ZP1: variants seen among roughly 807,000 people sequenced by gnomAD.
ZP1 encodes the protein zona pellucida sperm-binding protein 1.
In ZP1, 58 loss-of-function variants were observed where a neutral mutation model predicts 67.4. The ratio of observed to expected loss-of-function variants is 0.86; its 90% CI spans 0.70 to 1.07. ZP1 has a LOEUF of 1.07. Among genes scored for constraint, ZP1 ranks in the 50% least tolerant of loss-of-function variants. The pLI, the probability that ZP1 is intolerant of heterozygous loss-of-function variation, is 0.00. For synonymous variants in ZP1, 333 were observed against 332.7 expected, an observed-to-expected ratio of 1.00 and a Z score of -0.01; for missense variants, 759 against 807.3, an observed-to-expected ratio of 0.94 and a Z score of 0.72.
chr11:60,873,716 T>C lies in ZP1; in HGVS notation c.1513T>C (p.Phe505Leu), dbSNP rs559073226. 6.2e-7 allele frequency: 1 copy of C among 1,614,118 alleles called. No individual in the cohort carries two copies. The highest frequency in any genetic ancestry group is 2.2e-5 in the East Asian group (1 of 44,888). Residue 505 changes from phenylalanine to leucine, a missense_variant, in exon 9 of 12, where the codon TTC (phenylalanine) becomes CTC (leucine). Transcript: ENST00000278853. ...ATPFQSHYQR[F>L]TVATFALLDS... ...ACCTTTCCAGTCGCACTACCAGCGATTCACTGTTGCTACCTTCGCCCTCCT... is the reference window on the plus strand; with the variant it reads ...ACCTTTCCAGTCGCACTACCAGCGACTCACTGTTGCTACCTTCGCCCTCCT...
Position 60,867,546 on chromosome 11 carries a change from G to A in ZP1, c.-16G>A, listed in dbSNP as rs750107295. ...CTCTGGTGGCGAGGGAGTAGGGGGT[G>A]TGTCTGTGGCGTCTCATGGCAGGAG... On this transcript the variant is annotated 5_prime_UTR_variant, in exon 1 of 12. In the 5' UTR this introduces an upstream ATG that the reference lacks. Coordinates refer to ENST00000278853, the MANE Select transcript of ZP1 (RefSeq NM_207341.4). 2.5e-6 allele frequency: 4 copies of A among 1,600,124 alleles called. No homozygotes were observed. The highest frequency in any genetic ancestry group is 3.4e-6 in the Non-Finnish European group (4 of 1,171,780).
intron 2 of ZP1, 84 bp from the exon 3 acceptor site, chr11:60,869,453 A>G: frequency 6.6e-7 from 1 of 1,522,722 alleles, no homozygotes; most frequent in East Asian, 2.3e-5. Context: ...CCTAATGGCC[A>G]GCTCAGCTCT....
In ZP1 at chr11:60,870,995, G is replaced by A. The variant is rs756145357; in HGVS notation, c.865G>A (p.Val289Met). The change falls in exon 5 of 12, where the codon GTG becomes ATG. Residue 289 changes from valine (V) to methionine (M), a missense_variant. By Grantham distance (21) the Val-to-Met change is conservative (BLOSUM62 1). Transcript: ENST00000278853. ...QCFRDGYFVL[V>M]VSQEMALTHR... Reference sequence around the variant, plus strand: ...CTTCAGAGATGGCTACTTCGTCCTCGTGGTGTCCCAAGAAATGGCCTTGAC... The same window carrying A: ...CTTCAGAGATGGCTACTTCGTCCTCATGGTGTCCCAAGAAATGGCCTTGAC... 79 of 1,614,170 alleles carry A rather than the reference G, an allele frequency of 4.9e-5. No individual in the cohort carries two copies. In the Middle Eastern group the frequency reaches 1.3e-3, roughly 27 times the overall value.
At position 60,875,246 on chromosome 11, in the gene ZP1, C is replaced by T; in HGVS notation, c.1772C>T (p.Thr591Ile). The T allele has an allele frequency of 6.2e-7, 1 of 1,611,268 alleles. No individual in the cohort carries two copies. The highest frequency in any genetic ancestry group is 8.5e-7 in the Non-Finnish European group (1 of 1,179,752). ...GGGCAGGAGCCCACACTTGGGCCCA[C>T]AGGTAGGAGGGCTTCTGGGTGGGCC... ...SYGQEPTLGP[T>I]DSNGNSSLRP... Residue 591 changes from threonine (T) to isoleucine (I), a missense_variant and splice_region_variant, in exon 11 of 12, where the codon ACA becomes ATA. Thr to Ile is a moderately conservative substitution (Grantham distance 89). Coordinates refer to ENST00000278853, the MANE Select transcript of ZP1 (RefSeq NM_207341.4).
At chr11:60,872,996 C>A in intron 6 of ZP1, 166 bp from the exon 7 acceptor site, 1 of 767,222 alleles carries the variant, frequency 1.3e-6, no homozygotes, top group Non-Finnish European at 2.0e-6. Flanking sequence ...GGGTGAGCTT[C>A]CTGAGCCTGC....
In ZP1 at chr11:60,867,699, G is replaced by A; in HGVS notation, c.138G>A (p.Lys46=). ...GGCACAGCTACGACTGTGGGATCAA[G>A]GGAATGCAGCTGCTGGTGTTCCCCA... ...GLRHSYDCGI[K]GMQLLVFPRP... Residue 46 remains lysine, a synonymous_variant, in exon 1 of 12, where the codon AAG becomes AAA. Transcript: ENST00000278853. 1 of 1,614,050 alleles carries A rather than the reference G, an allele frequency of 6.2e-7. No individual in the cohort carries two copies. Among genetic ancestry groups the A allele is most frequent in the Non-Finnish European group, 8.5e-7 (1 of 1,179,966 alleles).
chr11:60,869,388 G>A (rs1314978076), intron 2 of ZP1, 122 bp downstream of exon 2: 1 of 1,513,778 alleles, frequency 6.6e-7, no homozygotes, highest in Admixed American at 2.1e-5. Flanking sequence ...GGTGGGTGAG[G>A]GAAACTAAGC....
chr11:60,868,738 CCT>C (rs1391640288), intron 1 of ZP1, among the ~76,000 whole-genome samples: 1 of 152,214 alleles, frequency 6.6e-6, no homozygotes, highest in Non-Finnish European at 1.5e-5. Context: ...TCATTCTGCC[CCT>C]CATTGTGTGC....
At chr11:60,869,292 A>G (rs764000603) in intron 2 of ZP1, 26 bp downstream of exon 2, 26 of 1,613,560 alleles carry the variant, frequency 1.6e-5, no homozygotes, top group Admixed American at 3.3e-5. Flanking sequence ...GCTCTGGCAC[A>G]GGGGCAAGCT....
At chr11:60,874,798 G>A in intron 9 of ZP1, 135 bp from the exon 10 acceptor site, 2 of 755,754 alleles carry the variant, frequency 2.6e-6, no homozygotes, top group East Asian at 2.6e-5. Context: ...TCTTGGTCAA[G>A]CAGCTCAGAT....
chr11:60,874,885 C>T (rs1565104992), intron 9 of ZP1, 48 bp from the exon 10 acceptor site: 1 of 1,584,748 alleles, frequency 6.3e-7, no homozygotes, highest in Non-Finnish European at 8.7e-7. Flanking sequence ...GTGCTTCCTG[C>T]CCGGTGGCAC....
rs891883393 is a variant in ZP1, at chr11:60,870,373, C to T, written c.724C>T (p.His242Tyr). ...SQEQCQVASG[H>Y]LPCIVRRTSK... ...GGAGCAGTGCCAGGTGGCCTCAGGG[C>T]ACCTCCCCTGCATCGTGAGAAGAAC... Residue 242 changes from histidine to tyrosine, a missense_variant, in exon 4 of 12, where the codon CAC (histidine) becomes TAC (tyrosine). By Grantham distance (83) the His-to-Tyr change is moderately conservative. Transcript: ENST00000278853. The T allele has an allele frequency of 2.3e-5, 37 of 1,612,520 alleles. No homozygotes were observed. The highest frequency in any genetic ancestry group is 3.0e-5 in the Non-Finnish European group (35 of 1,179,496).
chr11:60,875,244 C>A lies in ZP1; in HGVS notation c.1770C>A (p.Pro590=). ...ATGGGCAGGAGCCCACACTTGGGCC[C>A]ACAGGTAGGAGGGCTTCTGGGTGGG... ...DSYGQEPTLG[P]TDSNGNSSLR... The change falls in exon 11 of 12, where the codon CCC becomes CCA. Residue 590 remains proline (P), a synonymous_variant. Transcript: ENST00000278853. The A allele has an allele frequency of 8.1e-6, 13 of 1,611,552 alleles. No homozygotes were observed. The highest frequency in any genetic ancestry group is 1.1e-5 in the Non-Finnish European group (13 of 1,179,784).
Position 60,874,992 on chromosome 11 carries a change from T to A in ZP1, c.1632T>A (p.Thr544=), listed in dbSNP as rs1358900201. Residue 544 remains threonine, a synonymous_variant, in exon 10 of 12, where the codon ACT becomes ACA. Coordinates refer to ENST00000278853, the MANE Select transcript of ZP1 (RefSeq NM_207341.4). Reference sequence around the variant, plus strand: ...CCTCAGGGCTGGAGACTTGCTCCACTGCATGTAGCACTGGCACTACAAGTG... The same window carrying A: ...CCTCAGGGCTGGAGACTTGCTCCACAGCATGTAGCACTGGCACTACAAGTG... The part of the protein sequence containing the change: ...CHTSGLETCS[T]ACSTGTTRQR... The A allele has an allele frequency of 7.4e-6, 12 of 1,614,146 alleles. No individual in the cohort carries two copies. In the South Asian group the frequency reaches 1.2e-4, roughly 16 times the overall value.
chr11:60,874,916 T>C lies in ZP1; in HGVS notation c.1573-17T>C, dbSNP rs1378910242. ...GGCACTGAGCCAGCCACTTTGATGT[T>C]CTTCTCCTTCCACCAGGTTTACTTG... On this transcript the variant is annotated splice_polypyrimidine_tract_variant and intron_variant, in intron 9 of 11. Coordinates refer to ENST00000278853, the MANE Select transcript of ZP1 (RefSeq NM_207341.4). 7 of 1,613,894 alleles carry C rather than the reference T, an allele frequency of 4.3e-6. No individual in the cohort carries two copies. Among genetic ancestry groups the C allele is most frequent in the Non-Finnish European group, 5.1e-6 (6 of 1,179,918 alleles).
At chr11:60,873,808 C>T in intron 9 of ZP1, 33 bp downstream of exon 9, 1 of 1,610,822 alleles carries the variant, frequency 6.2e-7, no homozygotes, top group Non-Finnish European at 8.5e-7. Flanking sequence ...TGCCTGGTCC[C>T]ATCTGTTAAG....
intron 1 of ZP1, 48 bp from the exon 2 acceptor site, chr11:60,869,097 T>G (rs1267770559): frequency 1.9e-6 from 3 of 1,612,528 alleles, no homozygotes; most frequent in African/African-American, 2.7e-5. Context: ...CAGCAACCTC[T>G]CCCTGCACCC....
intron 6 of ZP1, among the ~76,000 whole-genome samples, chr11:60,872,170 G>C (rs757552202): frequency 1.6e-4 from 24 of 152,132 alleles, no homozygotes; most frequent in Non-Finnish European, 3.1e-4. Flanking sequence ...TTCAAGACTA[G>C]CCTGGGCAAC....
chr11:60,872,920 G>A (rs1855607802), intron 6 of ZP1, among the ~76,000 whole-genome samples: 6 of 152,142 alleles, frequency 3.9e-5, no homozygotes, highest in African/African-American at 1.2e-4. Flanking sequence ...TCTCCCACCA[G>A]GTGCAGGGCC....
Sources: gnomAD v4.1 joint callset for allele counts (sites outside exome capture counted in the v4.1 genomes callset) on GRCh38, gnomAD v4.1.1 for gene constraint, MANE v1.5 for transcripts, NCBI Gene and HGNC (gene_info 2026-07-23, HGNC 2026-07-21) for gene names.